TPTE2: variants seen among roughly 807,000 people sequenced by gnomAD.
The protein encoded by TPTE2 is transmembrane phosphoinositide 3-phosphatase and tensin homolog 2.
A neutral mutation model predicts 78.6 loss-of-function variants in TPTE2; 53 were observed. The ratio of observed to expected loss-of-function variants is 0.67; its 90% CI spans 0.54 to 0.85. TPTE2 has a LOEUF of 0.85. TPTE2 is among the 40% of genes least tolerant of loss of function. The pLI is 0.00. For missense variants in TPTE2, 461 were observed against 623.0 expected, an observed-to-expected ratio of 0.74 and a Z score of 2.77; for synonymous variants, 175 against 206.2, an observed-to-expected ratio of 0.85 and a Z score of 1.30.
intron 4 of TPTE2, among the ~76,000 whole-genome samples, chr13:19,477,342 C>A (rs1400321639): frequency 6.6e-6 from 1 of 150,784 alleles, no homozygotes; most frequent in Non-Finnish European, 1.5e-5. Flanking sequence ...CATAACAAAC[C>A]CCACGTGTAC....
At chr13:19,539,809 T>C (rs909109249), upstream of TPTE2, among the ~76,000 whole-genome samples, 1 of 152,178 alleles carries the variant, frequency 6.6e-6, no homozygotes, top group Admixed American at 6.5e-5. Flanking sequence ...TCTTTGTTTC[T>C]CCCTATGATG....
At chr13:19,509,544 T>C (rs1869293822) in intron 1 of TPTE2, among the ~76,000 whole-genome samples, 2 of 152,114 alleles carry the variant, frequency 1.3e-5, no homozygotes, top group Admixed American at 1.3e-4. Context: ...TATAAAACAC[T>C]AACATTAGTG....
chr13:19,478,996 C>T (rs1181942871), intron 4 of TPTE2, among the ~76,000 whole-genome samples: 2 of 152,024 alleles, frequency 1.3e-5, no homozygotes, highest in Non-Finnish European at 2.9e-5. Context: ...ACATCACACA[C>T]CGGGGCCTGT....
At chr13:19,561,103 T>A in the TPTE2 span, 19 of 1,604,484 alleles carry the variant, frequency 1.2e-5, no homozygotes, top group Non-Finnish European at 1.6e-5. Flanking sequence ...CATCCTCCTC[T>A]TCCTTGTGGC....
At chr13:19,439,346 A>G (rs1877337429) in intron 13 of TPTE2, among the ~76,000 whole-genome samples, 1 of 152,092 alleles carries the variant, frequency 6.6e-6, no homozygotes, top group Admixed American at 6.6e-5. Context: ...ATAGGGCTGC[A>G]GAAGCAAAGC....
chr13:19,556,531 T>TC, the TPTE2 span, among the ~76,000 whole-genome samples: 5 of 151,924 alleles, frequency 3.3e-5, no homozygotes, highest in Non-Finnish European at 4.4e-5. Flanking sequence ...TACAACATTC[T>TC]CCCCCCCACC....
chr13:19,523,538 C>A (rs1048529641), intron 1 of TPTE2, among the ~76,000 whole-genome samples: 1 of 151,932 alleles, frequency 6.6e-6, no homozygotes, highest in African/African-American at 2.4e-5. Context: ...TGCAGTGGTG[C>A]GATCTTGGCT....
chr13:19,443,669 T>C (rs1877631766), intron 13 of TPTE2, among the ~76,000 whole-genome samples: 1 of 151,858 alleles, frequency 6.6e-6, no homozygotes, highest in African/African-American at 2.4e-5. Context: ...CCTCCCAAAG[T>C]GCTGGGATTA....
At chr13:19,443,985 A>G (rs1426132377) in intron 13 of TPTE2, among the ~76,000 whole-genome samples, 1 of 152,146 alleles carries the variant, frequency 6.6e-6, no homozygotes, top group Non-Finnish European at 1.5e-5. Flanking sequence ...AAGAATCTAT[A>G]GATAAATTAG....
chr13:19,503,991 C>T (rs552432057), upstream of TPTE2, among the ~76,000 whole-genome samples: 3 of 152,016 alleles, frequency 2.0e-5, no homozygotes, highest in Admixed American at 6.6e-5. Context: ...CCACCCGCCT[C>T]GGCCTCCCAA....
intron 1 of TPTE2, among the ~76,000 whole-genome samples, chr13:19,499,429 CAG>C (rs1174134629): frequency 5.4e-5 from 8 of 147,154 alleles, no homozygotes; most frequent in African/African-American, 2.0e-4. Context: ...TGTAAAAGAA[CAG>C]AAATTATAAC....
chr13:19,465,742 G>T (rs1879230497), intron 7 of TPTE2, among the ~76,000 whole-genome samples, 178 bp from the exon 11 acceptor site: 1 of 152,140 alleles, frequency 6.6e-6, no homozygotes, highest in Non-Finnish European at 1.5e-5. Context: ...TTGCGTGTGT[G>T]CATGTGTGTT....
chr13:19,425,919 C>T, intron 18 of TPTE2: 1 of 391,268 alleles, frequency 2.6e-6, no homozygotes, highest in Non-Finnish European at 5.1e-6. Context: ...TCACCCAAAC[C>T]TAACTCTTTC....
At chr13:19,510,302 T>G (rs1475986155) in intron 1 of TPTE2, among the ~76,000 whole-genome samples, 1 of 152,126 alleles carries the variant, frequency 6.6e-6, no homozygotes, top group East Asian at 1.9e-4. Context: ...TGGCTCACAG[T>G]TGTGTGCTGC....
the TPTE2 span, among the ~76,000 whole-genome samples, chr13:19,555,780 G>A: frequency 1.4e-5 from 2 of 146,798 alleles, no homozygotes; most frequent in African/African-American, 5.0e-5. Context: ...GACAACAGCA[G>A]CTGCCCTGAC....
intron 1 of TPTE2, among the ~76,000 whole-genome samples, chr13:19,497,241 C>G (rs897373673): frequency 1.9e-4 from 28 of 145,548 alleles, no homozygotes; most frequent in Non-Finnish European, 4.0e-4. Context: ...CCGACATTGC[C>G]CAGGCTTGAT....
At chr13:19,536,543 C>T (rs1296070021) in intron 1 of TPTE2, 3 of 152,080 alleles carry the variant, frequency 2.0e-5, no homozygotes, top group African/African-American at 7.2e-5. Flanking sequence ...CAAAATTTGG[C>T]TTTTGAATTT....
At chr13:19,498,541 C>A (rs1881541508) in intron 1 of TPTE2, among the ~76,000 whole-genome samples, 1 of 151,620 alleles carries the variant, frequency 6.6e-6, no homozygotes, top group Admixed American at 6.6e-5. Context: ...TCATATCCAG[C>A]CAAACTAAGC....
At chr13:19,430,573 AG>A (rs770541541) in intron 16 of TPTE2, 26 bp from the exon 20 acceptor site, 3 of 1,571,436 alleles carry the variant, frequency 1.9e-6, no homozygotes, top group Middle Eastern at 1.7e-4. Flanking sequence ...GAAATTAAAA[AG>A]TTAGGTTGGT....
Sources: allele counts gnomAD v4.1 joint callset (sites outside exome capture counted in the v4.1 genomes callset), GRCh38; gene constraint gnomAD v4.1.1; transcripts MANE v1.5; gene names NCBI Gene and HGNC (gene_info 2026-07-23, HGNC 2026-07-21).